Variants in CATSPERB observed in about 807,000 individuals in gnomAD.
The protein encoded by CATSPERB is catsper channel auxiliary subunit beta.
Under a neutral mutation model 128.3 loss-of-function variants are expected in CATSPERB, and 93 were observed. That is an observed-to-expected ratio of 0.72 (90% CI 0.61 to 0.86). The LOEUF is 0.86. Ranked by LOEUF, CATSPERB falls within the 40% of genes least tolerant of loss-of-function variation. The pLI is 0.00. For missense variants in CATSPERB, 1,153 were observed against 1,329.5 expected, an observed-to-expected ratio of 0.87 and a Z score of 2.06; for synonymous variants, 381 against 448.8, an observed-to-expected ratio of 0.85 and a Z score of 1.91.
At chr14:91,625,909 G>C (rs1450092810) in intron 17 of CATSPERB, among the ~76,000 whole-genome samples, 1 of 152,188 alleles carries the variant, frequency 6.6e-6, no homozygotes, top group Non-Finnish European at 1.5e-5. Context: ...CAGATTGGTT[G>C]AGCCTAGGAG....
chr14:91,581,018 T>A lies in CATSPERB; in HGVS notation c.3222A>T (p.Ile1074=), dbSNP rs1425692701. 6.2e-7 allele frequency: 1 copy of A among 1,614,088 alleles called. No homozygotes were observed. The highest frequency in any genetic ancestry group is 8.5e-7 in the Non-Finnish European group (1 of 1,180,030). Reference sequence around the variant, plus strand: ...TGCCTTGCAGTTGAAACATAAATGCTATAAAAATTAATCCCCCTAGCACTA... The same window carrying A: ...TGCCTTGCAGTTGAAACATAAATGCAATAAAAATTAATCCCCCTAGCACTA... The part of the protein sequence containing the change: ...TAVVLGGLIF[I]AFMFQLQGIH... Residue 1074 remains isoleucine (I), a synonymous_variant, in exon 27 of 27, where the codon ATA becomes ATT. Coordinates refer to ENST00000256343, the MANE Select transcript of CATSPERB (RefSeq NM_024764.4).
rs187963644 is a variant in CATSPERB, at chr14:91,606,396, C to G, written c.2709+1898G>C. 1.7e-3 allele frequency among the ~76,000 whole-genome samples: 260 copies of G among 152,034 alleles called. 4 individuals are homozygous for G. The Middle Eastern group carries it at 0.041, about 24-fold the overall frequency. On this transcript the variant is annotated intron_variant, in intron 22 of 26. Coordinates refer to ENST00000256343, the MANE Select transcript of CATSPERB (RefSeq NM_024764.4). ...TGGTCAACATGGCAAAACCCCGTCT[C>G]TACTAAAAATGCAAACATTGGCTGT...
At chr14:91,729,540 T>C in intron 1 of CATSPERB, 61 bp from the exon 2 acceptor site, 1 of 894,342 alleles carries the variant, frequency 1.1e-6, no homozygotes, top group Middle Eastern at 2.4e-4. Flanking sequence ...GAATTCCTTT[T>C]GCTATAAACA....
chr14:91,630,005 T>G (rs926381278), intron 17 of CATSPERB, among the ~76,000 whole-genome samples: 3 of 152,218 alleles, frequency 2.0e-5, no homozygotes, highest in Admixed American at 2.0e-4. Flanking sequence ...TTCCAATGCC[T>G]GTGCCATTTC....
intron 24 of CATSPERB, among the ~76,000 whole-genome samples, chr14:91,588,983 A>G (rs979742143): frequency 9.2e-5 from 14 of 152,236 alleles, no homozygotes; most frequent in Admixed American, 7.9e-4. Flanking sequence ...ATCTACCTAC[A>G]TATCTCCTTA....
At chr14:91,602,598 A>C (rs1270107697) in intron 22 of CATSPERB, among the ~76,000 whole-genome samples, 2 of 152,178 alleles carry the variant, frequency 1.3e-5, no homozygotes, top group African/African-American at 2.4e-5. Flanking sequence ...AGGTAACTAG[A>C]ATGTAAACTC....
intron 22 of CATSPERB, among the ~76,000 whole-genome samples, chr14:91,595,107 T>C (rs1312269277): frequency 1.3e-5 from 2 of 152,156 alleles, no homozygotes; most frequent in Non-Finnish European, 2.9e-5. Context: ...ACTGTAGTTC[T>C]GAAACATAAT....
chr14:91,603,618 GGC>G (rs1203774834), intron 22 of CATSPERB, among the ~76,000 whole-genome samples: 1 of 152,164 alleles, frequency 6.6e-6, no homozygotes, highest in East Asian at 1.9e-4. Flanking sequence ...CAGTTCCACA[GGC>G]TGCACAGGAA....
intron 7 of CATSPERB, among the ~76,000 whole-genome samples, chr14:91,695,599 T>C (rs968849417): frequency 1.3e-5 from 2 of 152,228 alleles, no homozygotes; most frequent in African/African-American, 4.8e-5. Context: ...TGTGACAAAC[T>C]ATCCCAGGGC....
At chr14:91,617,208 C>CA (rs1320347278) in intron 20 of CATSPERB, among the ~76,000 whole-genome samples, 8 of 152,172 alleles carry the variant, frequency 5.3e-5, no homozygotes, top group African/African-American at 1.9e-4. Flanking sequence ...GTGATATTTG[C>CA]AAAAATTATA....
At chr14:91,671,299 C>T (rs568552669) in intron 13 of CATSPERB, among the ~76,000 whole-genome samples, 10 of 152,260 alleles carry the variant, frequency 6.6e-5, no homozygotes, top group East Asian at 1.9e-4. Context: ...CCTGGCCAGG[C>T]GCTGTGGCTC....
At chr14:91,661,659 A>C (rs1490293771) in intron 14 of CATSPERB, among the ~76,000 whole-genome samples, 1 of 151,540 alleles carries the variant, frequency 6.6e-6, no homozygotes, top group Non-Finnish European at 1.5e-5. Flanking sequence ...CAGCCTCCCA[A>C]GTAGCTGGGA....
rs1443361461 is a variant in CATSPERB at position 91,592,022 on chromosome 14, A to T, written c.2710-20T>A. ...GGTTTTCTGCAAATAGAAGTAACAG[A>T]TGTTGACTTGTTTTTCTGCGTTGCG... On this transcript the variant is annotated intron_variant, in intron 22 of 26. Transcript: ENST00000256343. 6.7e-7 allele frequency: 1 copy of T among 1,495,442 alleles called. No individual in the cohort carries two copies. Among genetic ancestry groups the T allele is most frequent in the East Asian group, 2.3e-5 (1 of 44,296 alleles). The allele number at this position is 1,495,442 out of a possible 1,614,324, so 92.6% of individuals were successfully genotyped here.
At chr14:91,658,698 T>A (rs1296158816) in intron 15 of CATSPERB, among the ~76,000 whole-genome samples, 1 of 28,690 alleles carries the variant, frequency 3.5e-5, no homozygotes. Context: ...AAATTAAGAA[T>A]AAAATATTTT....
intron 14 of CATSPERB, among the ~76,000 whole-genome samples, chr14:91,666,847 T>C (rs188011603): frequency 2.3e-4 from 35 of 152,316 alleles, no homozygotes; most frequent in African/African-American, 8.4e-4. Flanking sequence ...TCCCAGAGGA[T>C]GGGGAACCAA....
chr14:91,680,314 G>A (rs770500509), intron 11 of CATSPERB, among the ~76,000 whole-genome samples: 9 of 152,058 alleles, frequency 5.9e-5, no homozygotes, highest in Non-Finnish European at 1.0e-4. Context: ...CAGAAGTGGT[G>A]GTCATGTGAT....
At chr14:91,657,492 A>G (rs1301890091) in intron 15 of CATSPERB, among the ~76,000 whole-genome samples, 1 of 152,158 alleles carries the variant, frequency 6.6e-6, no homozygotes, top group African/African-American at 2.4e-5. Flanking sequence ...CCACAAACAC[A>G]GGGAACCAAA....
chr14:91,693,906 C>T (rs1173946135), intron 7 of CATSPERB, among the ~76,000 whole-genome samples: 1 of 152,040 alleles, frequency 6.6e-6, no homozygotes, highest in East Asian at 1.9e-4. Flanking sequence ...ATAAATTGCT[C>T]CTTTTACCAG....
rs375456012 is a variant in CATSPERB at position 91,580,986 on chromosome 14, G to A, written c.3254C>T (p.Pro1085Leu). The A allele has an allele frequency of 3.1e-6, 5 of 1,614,068 alleles. No homozygotes were observed. Among genetic ancestry groups the A allele is most frequent in the Non-Finnish European group, 3.4e-6 (4 of 1,179,924 alleles). The part of the protein sequence containing the change: ...AFMFQLQGIH[P>L]WRTFQRWIRR... Reference sequence around the variant, plus strand: ...AATCCATCTTTGGAATGTCCTCCACGGATGGATGCCTTGCAGTTGAAACAT... The same window carrying A: ...AATCCATCTTTGGAATGTCCTCCACAGATGGATGCCTTGCAGTTGAAACAT... The change falls in exon 27 of 27, where the codon CCG becomes CTG. Residue 1085 changes from proline (P) to leucine (L), a missense_variant. Physicochemically the swap from Pro to Leu is moderately conservative, Grantham distance 98. Coordinates refer to ENST00000256343, the MANE Select transcript of CATSPERB (RefSeq NM_024764.4).
Sources: allele counts gnomAD v4.1 joint callset (sites outside exome capture counted in the v4.1 genomes callset), GRCh38; gene constraint gnomAD v4.1.1; transcripts MANE v1.5; gene names NCBI Gene and HGNC (gene_info 2026-07-23, HGNC 2026-07-21).